Variants in ABCA6 observed in about 807,000 individuals in gnomAD.
The protein encoded by ABCA6 is ATP binding cassette subfamily A member 6, also known as ATP-binding cassette sub-family A member 6.
ABCA6 carries 164 observed loss-of-function variants against 191.2 expected under a neutral mutation model. That is an observed-to-expected ratio of 0.86 (90% CI 0.76 to 0.98). The LOEUF is 0.98. Among genes scored for constraint, ABCA6 ranks in the 50% least tolerant of loss-of-function variants. ABCA6 has a pLI of 0.00. For missense variants in ABCA6, 1,958 were observed against 1,894.1 expected (o/e 1.03, Z -0.63); for synonymous variants, 636 against 647.7 (o/e 0.98, Z 0.27).
intron 36 of ABCA6, among the ~76,000 whole-genome samples, chr17:69,082,193 C>T (rs1598437986): frequency 1.3e-5 from 2 of 152,172 alleles, no homozygotes; most frequent in African/African-American, 4.8e-5. Flanking sequence ...AATTTAATTA[C>T]ATTTACACTG....
intron 25 of ABCA6, among the ~76,000 whole-genome samples, chr17:69,092,599 G>T (rs1011944343): frequency 6.6e-6 from 1 of 152,122 alleles, no homozygotes; most frequent in African/African-American, 2.4e-5. Context: ...TCCTTATCAG[G>T]CAGGGGTCTA....
intron 15 of ABCA6, chr17:69,112,662 G>A (rs2073449870): frequency 5.7e-6 from 1 of 175,468 alleles, no homozygotes; most frequent in Non-Finnish European, 1.2e-5. Context: ...AAGGGTGAGA[G>A]AGTCAGAGGG....
At chr17:69,130,381 C>T (rs1396744878) in intron 6 of ABCA6, among the ~76,000 whole-genome samples, 2 of 151,584 alleles carry the variant, frequency 1.3e-5, no homozygotes, top group African/African-American at 4.9e-5. Flanking sequence ...CATTGTGCCT[C>T]GTTGGTACCT....
rs886190582 is a variant in ABCA6 at position 69,140,639 on chromosome 17, T to C, written c.65A>G (p.Lys22Arg). 5.6e-6 allele frequency: 9 copies of C among 1,600,006 alleles called. No homozygotes were observed. The highest frequency in any genetic ancestry group is 1.3e-5 in the African/African-American group (1 of 74,172). The change falls in exon 2 of 39, where the codon AAG (lysine) becomes AGG (arginine). Residue 22 changes from lysine to arginine, a missense_variant. By Grantham distance (26) the Lys-to-Arg change is conservative (BLOSUM62 2). Transcript: ENST00000284425. ...GCTCTCTCTTTTCATCCTCCATTTCTTAAGAAAATTCTTGCACAGAAGTGC... is the reference window on the plus strand; with the variant it reads ...GCTCTCTCTTTTCATCCTCCATTTCCTAAGAAAATTCTTGCACAGAAGTGC... The part of the protein sequence containing the change: ...TKALLCKNFL[K>R]KWRMKRESLL...
chr17:69,090,651 G>A (rs1273646830), intron 26 of ABCA6, among the ~76,000 whole-genome samples: 1 of 152,162 alleles, frequency 6.6e-6, no homozygotes, highest in Non-Finnish European at 1.5e-5. Context: ...TCAGGACTGT[G>A]CTATCTTGCT....
At chr17:69,097,483 T>C (rs2073076315) in intron 23 of ABCA6, among the ~76,000 whole-genome samples, 1 of 152,050 alleles carries the variant, frequency 6.6e-6, no homozygotes, top group Non-Finnish European at 1.5e-5. Context: ...TGGCTCAGGA[T>C]GGTGAACGTT....
In ABCA6 at chr17:69,133,884, A is replaced by T; in HGVS notation, c.565-17T>A. On this transcript the variant is annotated splice_polypyrimidine_tract_variant and intron_variant, in intron 5 of 38. Transcript: ENST00000284425. ...GGTTGTGATCTAAAGTAGAGTTTAAACAAACATAATTATTATTTAAAAGAT... is the reference window on the plus strand; with the variant it reads ...GGTTGTGATCTAAAGTAGAGTTTAATCAAACATAATTATTATTTAAAAGAT... 6.8e-7 allele frequency: 1 copy of T among 1,469,936 alleles called. No individual in the cohort carries two copies. Among genetic ancestry groups the T allele is most frequent in the Non-Finnish European group, 9.3e-7 (1 of 1,076,948 alleles). The allele number at this position is 1,469,936 out of a possible 1,614,324, so 91.1% of individuals were successfully genotyped here.
At chr17:69,090,067 T>C (rs776913844) in intron 26 of ABCA6, among the ~76,000 whole-genome samples, 2 of 152,204 alleles carry the variant, frequency 1.3e-5, no homozygotes, top group Non-Finnish European at 2.9e-5. Context: ...ATATAATACA[T>C]GACAGATCAA....
At chr17:69,113,487 A>G (rs2073473278) in intron 14 of ABCA6, 127 bp from the exon 15 acceptor site, 3 of 1,532,324 alleles carry the variant, frequency 2.0e-6, no homozygotes, top group Non-Finnish European at 2.7e-6. Context: ...ATATACTTCT[A>G]TTTATAGTTA....
At chr17:69,140,417 A>G (rs1222803874) in intron 2 of ABCA6, among the ~76,000 whole-genome samples, 191 bp downstream of exon 2, 1 of 152,126 alleles carries the variant, frequency 6.6e-6, no homozygotes, top group African/African-American at 2.4e-5. Flanking sequence ...CTCTTTTTAT[A>G]TGAGGAATTC....
chr17:69,089,505 T>C lies in ABCA6; in HGVS notation c.3566A>G (p.Asn1189Ser). The C allele has an allele frequency of 2.5e-6, 4 of 1,613,646 alleles. No homozygotes were observed. In the South Asian group the frequency reaches 4.4e-5, roughly 18 times the overall value. ...QEHYREFPEANFELSATDFLV... is the reference protein window; with the variant it reads ...QEHYREFPEASFELSATDFLV... ...AAAATCAGTGGCACTCAATTCAAAA[T>C]TTGCCTCTGGAAATTCTCTGTAGTG... Residue 1189 changes from asparagine to serine, a missense_variant, in exon 27 of 39, where the codon AAT becomes AGT. Coordinates refer to ENST00000284425, the MANE Select transcript of ABCA6 (RefSeq NM_080284.3).
intron 3 of ABCA6, 150 bp downstream of exon 3, chr17:69,137,146 A>G: frequency 1.3e-6 from 1 of 742,434 alleles, no homozygotes; most frequent in Non-Finnish European, 2.1e-6. Context: ...TTGTGAGAGA[A>G]AGCAATAATC....
At position 69,114,825 on chromosome 17, in the gene ABCA6, C is replaced by T. The variant is rs780324039; in HGVS notation, c.1719G>A (p.Val573=). 11 of 1,612,664 alleles carry T rather than the reference C, an allele frequency of 6.8e-6. No individual in the cohort carries two copies. Among genetic ancestry groups the T allele is most frequent in the Non-Finnish European group, 9.3e-6 (11 of 1,179,244 alleles). ...TAGCAAACAGGCTGAGGTTTTCCTT[C>T]ACGGTGAGTATGTCAAATTGAACAT... ...QFNVQFDILT[V]KENLSLFAKI... is the part of the protein sequence containing the mutation. Residue 573 remains valine, a synonymous_variant, in exon 13 of 39, where the codon GTG becomes GTA. Coordinates refer to ENST00000284425, the MANE Select transcript of ABCA6 (RefSeq NM_080284.3).
At chr17:69,122,156 G>A (rs1053559918) in intron 10 of ABCA6, among the ~76,000 whole-genome samples, 1 of 151,966 alleles carries the variant, frequency 6.6e-6, no homozygotes, top group African/African-American at 2.4e-5. Context: ...TGTGATATTG[G>A]GTAAAAGGCT....
chr17:69,093,328 C>T (rs1568003159), intron 25 of ABCA6, among the ~76,000 whole-genome samples: 1 of 152,112 alleles, frequency 6.6e-6, no homozygotes, highest in Non-Finnish European at 1.5e-5. Context: ...CCACCTCCGC[C>T]GAAGTTAAAG....
At chr17:69,084,180 G>A in intron 34 of ABCA6, 81 bp downstream of exon 34, 2 of 1,312,454 alleles carry the variant, frequency 1.5e-6, no homozygotes, top group Non-Finnish European at 1.1e-6. Context: ...TGGGTTTGAG[G>A]GCTGATTTTC....
At chr17:69,084,775 A>G (rs1021951639) in intron 32 of ABCA6, among the ~76,000 whole-genome samples, 8 of 152,164 alleles carry the variant, frequency 5.3e-5, no homozygotes, top group Non-Finnish European at 8.8e-5. Context: ...TAAATTAGAA[A>G]ACTGAAATGG....
rs568285533 is a variant in ABCA6, at chr17:69,098,282, C to T, written c.3013-255G>A. ...TGAAAGCAAGCTCTCGAAGAGATAC[C>T]CTCACATTCATATTCATACCAACAA... is the stretch of plus-strand genomic sequence containing the variant. On this transcript the variant is annotated intron_variant, in intron 22 of 38. Transcript: ENST00000284425. 6.5e-3 allele frequency: 2,493 copies of T among 385,728 alleles called. 29 individuals are homozygous for T. The highest frequency in any genetic ancestry group is 9.2e-3 in the Non-Finnish European group (2,008 of 218,090). 23.9% of individuals were successfully genotyped at this position (385,728 alleles called of 1,614,324 possible). A position where few individuals can be genotyped will look rare whatever the true frequency, so the allele number is the denominator to read the frequency against.
chr17:69,086,486 A>AATATATATGTATATATATATATATAT, intron 30 of ABCA6, 132 bp downstream of exon 30: 1 of 159,522 alleles, frequency 6.3e-6, no homozygotes, highest in East Asian at 2.2e-4. Flanking sequence ...TGGCACACTA[A>AATATATATGTATATATATATATATAT]ATATATATAT....
Sources: gnomAD v4.1 joint callset for allele counts (sites outside exome capture counted in the v4.1 genomes callset) on GRCh38, gnomAD v4.1.1 for gene constraint, MANE v1.5 for transcripts, NCBI Gene and HGNC (gene_info 2026-07-23, HGNC 2026-07-21) for gene names.